The following GPHN variants were observed in gnomAD, a reference collection of about 807,000 sequenced individuals.
GPHN encodes the protein gephyrin.
In GPHN, 17 loss-of-function variants were observed where a neutral mutation model predicts 95.5. The ratio of observed to expected loss-of-function variants is 0.18; its 90% CI spans 0.12 to 0.27. The LOEUF (loss-of-function observed/expected upper bound fraction) is 0.27. GPHN is among the 10% of genes least tolerant of loss of function. GPHN has a pLI of 1.00. For synonymous variants in GPHN, 320 were observed against 322.5 expected (o/e 0.99, Z 0.08); for missense variants, 660 against 978.1 (o/e 0.67, Z 4.34).
intron 9 of GPHN, among the ~76,000 whole-genome samples, chr14:67,001,183 A>G (rs1462830769): frequency 6.6e-6 from 1 of 151,452 alleles, no homozygotes; most frequent in African/African-American, 2.4e-5. Flanking sequence ...CCTTCATGGA[A>G]GTAGGAATGA....
the GPHN span, among the ~76,000 whole-genome samples, chr14:67,520,113 A>G: frequency 2.0e-5 from 3 of 152,198 alleles, no homozygotes; most frequent in Admixed American, 6.5e-5. Flanking sequence ...CCACACATGC[A>G]TAGACTTCCC....
chr14:66,838,283 T>A (rs1434166786), intron 4 of GPHN, among the ~76,000 whole-genome samples: 1 of 152,140 alleles, frequency 6.6e-6, no homozygotes, highest in Non-Finnish European at 1.5e-5. Flanking sequence ...TATATAAATC[T>A]TTGCTATTGT....
chr14:66,621,146 T>G lies in GPHN; in HGVS notation c.65-59961T>G, dbSNP rs550102203. ...AGCCCAGCCAATTTTTTTTTTTTTT[T>G]TTGTATTTTTAGTAGAGATGGGGTT... On this transcript the variant is annotated intron_variant, in intron 1 of 22. Coordinates refer to ENST00000478722, the MANE Select transcript of GPHN (RefSeq NM_020806.5). Among the ~76,000 whole-genome samples the G allele has an allele frequency of 3.2e-3, 449 of 142,000 alleles. 4 individuals are homozygous for G. The highest frequency in any genetic ancestry group is 0.012 in the African/African-American group (431 of 36,178). The allele number at this position is 142,000 out of a possible 152,430, so 93.2% of individuals were successfully genotyped here.
intron 1 of GPHN, among the ~76,000 whole-genome samples, chr14:66,587,947 C>A (rs944102674): frequency 1.3e-5 from 2 of 152,216 alleles, no homozygotes; most frequent in Non-Finnish European, 2.9e-5. Flanking sequence ...GACTGGGAGA[C>A]ACCTCCCAGC....
the GPHN span, among the ~76,000 whole-genome samples, chr14:67,654,230 AG>A: frequency 6.6e-6 from 1 of 152,184 alleles, no homozygotes; most frequent in Non-Finnish European, 1.5e-5. Flanking sequence ...CATGTCCCCA[AG>A]TAGCTGGGAT....
the GPHN span, among the ~76,000 whole-genome samples, chr14:67,689,296 T>C: frequency 2.0e-5 from 3 of 152,252 alleles, no homozygotes; most frequent in Non-Finnish European, 4.4e-5. Context: ...CCTGATTCCT[T>C]GAGCCTGCAT....
intron 2 of GPHN, among the ~76,000 whole-genome samples, chr14:66,720,171 G>A (rs1449582716): frequency 2.6e-5 from 4 of 152,048 alleles, no homozygotes; most frequent in South Asian, 2.1e-4. Flanking sequence ...TAGATAAAAA[G>A]CATAAATCTC....
the GPHN span, among the ~76,000 whole-genome samples, chr14:67,723,098 A>G: frequency 6.6e-6 from 1 of 152,182 alleles, no homozygotes; most frequent in Non-Finnish European, 1.5e-5. Context: ...CTGGCTTGTC[A>G]TGCTGTTAAG....
chr14:67,491,071 A>G, the GPHN span, among the ~76,000 whole-genome samples: 1 of 152,162 alleles, frequency 6.6e-6, no homozygotes, highest in Non-Finnish European at 1.5e-5. Context: ...TCACAAGTAG[A>G]TCGTCACCTA....
At chr14:66,726,465 T>C (rs2071247025) in intron 2 of GPHN, among the ~76,000 whole-genome samples, 1 of 152,234 alleles carries the variant, frequency 6.6e-6, no homozygotes, top group Non-Finnish European at 1.5e-5. Flanking sequence ...ATGAATCCTT[T>C]TAATATTTTT....
At chr14:67,547,116 A>G in the GPHN span, among the ~76,000 whole-genome samples, 1 of 152,114 alleles carries the variant, frequency 6.6e-6, no homozygotes, top group East Asian at 1.9e-4. Context: ...GAATGTCTTC[A>G]CATGGAAATG....
chr14:66,908,725 T>C (rs2065514921), intron 5 of GPHN, among the ~76,000 whole-genome samples: 1 of 151,996 alleles, frequency 6.6e-6, no homozygotes. Flanking sequence ...ATTGATAGCA[T>C]ATACCTGTGA....
At chr14:67,323,849 G>A in the GPHN span, 17 of 1,105,312 alleles carry the variant, frequency 1.5e-5, no homozygotes, top group Non-Finnish European at 2.1e-5. Flanking sequence ...TCCATTGAAG[G>A]TAAACATGAA....
intron 1 of GPHN, among the ~76,000 whole-genome samples, chr14:66,547,158 A>G (rs2059634792): frequency 6.6e-6 from 1 of 152,168 alleles, no homozygotes; most frequent in African/African-American, 2.4e-5. Context: ...TTAAAGCAGG[A>G]GGAAGGGAAA....
the GPHN span, among the ~76,000 whole-genome samples, chr14:67,297,394 C>T: frequency 6.6e-6 from 1 of 152,106 alleles, no homozygotes; most frequent in Non-Finnish European, 1.5e-5. Context: ...ATTAAAAAGG[C>T]TATCTCTGGG....
the GPHN span, among the ~76,000 whole-genome samples, chr14:67,671,245 G>T: frequency 6.6e-6 from 1 of 152,150 alleles, no homozygotes; most frequent in African/African-American, 2.4e-5. Context: ...GTATTTTGTG[G>T]TTGGGCGCAG....
chr14:66,978,135 A>G lies in GPHN; in HGVS notation c.963+12810A>G, dbSNP rs142037607. ...ACGTTAGTCCTAAACCGTTATTACA[A>G]TCATCTGAGCCATCAGCAGGTCATA... On this transcript the variant is annotated intron_variant, in intron 9 of 22. Coordinates refer to ENST00000478722, the MANE Select transcript of GPHN (RefSeq NM_020806.5). Among the ~76,000 whole-genome samples the G allele has an allele frequency of 2.0e-4, 31 of 152,338 alleles. No individual in the cohort carries two copies. The East Asian group carries it at 5.8e-3, about 28-fold the overall frequency.
chr14:66,945,567 A>G (rs906274043), intron 8 of GPHN, among the ~76,000 whole-genome samples: 1 of 152,216 alleles, frequency 6.6e-6, no homozygotes, highest in Non-Finnish European at 1.5e-5. Flanking sequence ...CTCAGAAATC[A>G]CTACTAAAGA....
the GPHN span, among the ~76,000 whole-genome samples, chr14:67,536,038 G>C: frequency 6.6e-6 from 1 of 152,232 alleles, no homozygotes; most frequent in South Asian, 2.1e-4. Context: ...ACCCAGGCCT[G>C]TCAGTGCCAG....
Sources: gnomAD v4.1 joint callset for allele counts (sites outside exome capture counted in the v4.1 genomes callset) on GRCh38, gnomAD v4.1.1 for gene constraint, MANE v1.5 for transcripts, NCBI Gene and HGNC (gene_info 2026-07-23, HGNC 2026-07-21) for gene names.